The following GRM1 variants were observed in gnomAD, a reference collection of about 807,000 sequenced individuals.
GRM1 encodes the protein glutamate metabotropic receptor 1.
A neutral mutation model predicts 90.9 loss-of-function variants in GRM1; 33 were observed. The observed-to-expected ratio is 0.36, with a 90% CI of 0.28 to 0.49. GRM1 has a LOEUF of 0.49. Ranked by LOEUF, GRM1 falls within the 20% of genes least tolerant of loss-of-function variation. GRM1 has a pLI of 0.99. For synonymous variants in GRM1, 700 were observed against 613.2 expected, an observed-to-expected ratio of 1.14 and a Z score of -2.09; for missense variants, 1,190 against 1,534.3, an observed-to-expected ratio of 0.78 and a Z score of 3.75.
intron 5 of GRM1, among the ~76,000 whole-genome samples, chr6:146,366,714 C>T (rs982832790): frequency 1.3e-5 from 2 of 152,078 alleles, no homozygotes; most frequent in South Asian, 2.1e-4. Context: ...TGAGATATGT[C>T]TAGGTTTTTT....
intron 2 of GRM1, among the ~76,000 whole-genome samples, chr6:146,261,362 G>A (rs1781689596): frequency 6.6e-6 from 1 of 152,114 alleles, no homozygotes; most frequent in Non-Finnish European, 1.5e-5. Flanking sequence ...TTGGAACCTG[G>A]TCGAGGAGTT....
intron 2 of GRM1, among the ~76,000 whole-genome samples, chr6:146,186,125 T>TTTTA (rs1359724276): frequency 2.0e-5 from 3 of 149,958 alleles, no homozygotes; most frequent in African/African-American, 7.3e-5. Context: ...TTATTTTCAT[T>TTTTA]TTTATTTATT....
chr6:146,066,162 C>T (rs143723512), intron 1 of GRM1, among the ~76,000 whole-genome samples: 297 of 152,280 alleles, frequency 2.0e-3, no homozygotes, highest in African/African-American at 6.0e-3. Context: ...ATGAATCCGT[C>T]ACCTAGGTAA....
At chr6:146,263,980 T>C (rs1039811818) in intron 2 of GRM1, among the ~76,000 whole-genome samples, 4 of 152,164 alleles carry the variant, frequency 2.6e-5, no homozygotes, top group African/African-American at 9.6e-5. Context: ...TGCATGCTCA[T>C]TGGAGAGTTA....
chr6:146,115,189 GA>G (rs1263353538), intron 1 of GRM1, among the ~76,000 whole-genome samples: 1 of 151,014 alleles, frequency 6.6e-6, no homozygotes, highest in Non-Finnish European at 1.5e-5. Flanking sequence ...ATGCTCATAA[GA>G]ATCACAGGGC....
chr6:146,245,634 CAT>C, intron 2 of GRM1, among the ~76,000 whole-genome samples: 1 of 152,112 alleles, frequency 6.6e-6, no homozygotes, highest in East Asian at 1.9e-4. Flanking sequence ...CCACCACAAA[CAT>C]ATAGTGAATA....
At chr6:146,290,186 G>T (rs1782927207) in intron 2 of GRM1, among the ~76,000 whole-genome samples, 4 of 152,092 alleles carry the variant, frequency 2.6e-5, no homozygotes. Flanking sequence ...TCATACAAGG[G>T]GCTCTTTGAA....
chr6:146,214,317 T>C (rs1205890915), intron 2 of GRM1, among the ~76,000 whole-genome samples: 1 of 152,168 alleles, frequency 6.6e-6, no homozygotes, highest in African/African-American at 2.4e-5. Context: ...ATGGGTCTCA[T>C]GGGAGAGGGA....
At chr6:146,129,141 G>A (rs1776300161) in intron 1 of GRM1, among the ~76,000 whole-genome samples, 1 of 152,028 alleles carries the variant, frequency 6.6e-6, no homozygotes, top group South Asian at 2.1e-4. Flanking sequence ...TCTTTTGGTG[G>A]TTAAATATTT....
intron 7 of GRM1, among the ~76,000 whole-genome samples, chr6:146,415,505 T>C (rs1777749312): frequency 6.6e-6 from 1 of 152,246 alleles, no homozygotes; most frequent in Non-Finnish European, 1.5e-5. Context: ...TTTGTCAACA[T>C]CAACTGAACA....
chr6:146,237,810 A>T (rs1472613576), intron 2 of GRM1, among the ~76,000 whole-genome samples: 1 of 152,150 alleles, frequency 6.6e-6, no homozygotes, highest in Non-Finnish European at 1.5e-5. Flanking sequence ...GTGACTTATG[A>T]TTGGGTATTC....
intron 2 of GRM1, among the ~76,000 whole-genome samples, chr6:146,279,201 T>C (rs1046234149): frequency 2.0e-5 from 3 of 152,210 alleles, no homozygotes; most frequent in East Asian, 1.9e-4. Flanking sequence ...TAGTGATTTT[T>C]AATTCATTGC....
chr6:146,376,851 T>C (rs892239375), intron 5 of GRM1, among the ~76,000 whole-genome samples: 8 of 152,130 alleles, frequency 5.3e-5, no homozygotes, highest in African/African-American at 1.9e-4. Flanking sequence ...TTCCCACATG[T>C]CATGGGAGGG....
At chr6:146,103,735 G>T (rs1232690295) in intron 1 of GRM1, among the ~76,000 whole-genome samples, 2 of 152,176 alleles carry the variant, frequency 1.3e-5, no homozygotes, top group Non-Finnish European at 2.9e-5. Context: ...CAAGTAAACA[G>T]ATTCATTCAT....
intron 4 of GRM1, among the ~76,000 whole-genome samples, chr6:146,356,405 T>A (rs1785584303): frequency 6.7e-6 from 1 of 149,204 alleles, no homozygotes; most frequent in Non-Finnish European, 1.5e-5. Flanking sequence ...TTTAATTTTG[T>A]CCTTGTGTGG....
At chr6:146,179,896 C>A (rs1001964585) in intron 2 of GRM1, among the ~76,000 whole-genome samples, 1 of 151,574 alleles carries the variant, frequency 6.6e-6, no homozygotes, top group Non-Finnish European at 1.5e-5. Flanking sequence ...TTTCCCAGCA[C>A]TTTGGGAGGC....
At chr6:146,075,996 A>G (rs1776173531) in intron 1 of GRM1, among the ~76,000 whole-genome samples, 1 of 152,242 alleles carries the variant, frequency 6.6e-6, no homozygotes, top group Non-Finnish European at 1.5e-5. Context: ...TAGGACTTCA[A>G]CATATCTTTG....
At chr6:146,188,891 G>C (rs1778835623) in intron 2 of GRM1, among the ~76,000 whole-genome samples, 1 of 152,104 alleles carries the variant, frequency 6.6e-6, no homozygotes, top group African/African-American at 2.4e-5. Flanking sequence ...CTGGCTTTCT[G>C]CCCTCACGTT....
chr6:146,039,274 C>T (rs576914973), intron 1 of GRM1, among the ~76,000 whole-genome samples: 1 of 152,028 alleles, frequency 6.6e-6, no homozygotes, highest in African/African-American at 2.4e-5. Context: ...AGAAGGTCCC[C>T]AGAAAAGGTG....
Sources: gnomAD v4.1 joint callset for allele counts (sites outside exome capture counted in the v4.1 genomes callset) on GRCh38, gnomAD v4.1.1 for gene constraint, MANE v1.5 for transcripts, NCBI Gene and HGNC (gene_info 2026-07-23, HGNC 2026-07-21) for gene names.